MCFD2: variants seen among roughly 807,000 people sequenced by gnomAD.
MCFD2 encodes multiple coagulation factor deficiency protein 2.
Under a neutral mutation model 12.8 loss-of-function variants are expected in MCFD2, and 11 were observed. That is an observed-to-expected ratio of 0.86 (90% confidence interval 0.54 to 1.42). MCFD2 has a LOEUF of 1.42. Among genes scored for constraint, MCFD2 ranks in the 40% most tolerant of loss-of-function variants. The pLI, the probability that MCFD2 is intolerant of heterozygous loss-of-function variation, is 0.00. For missense variants in MCFD2, 191 were observed against 178.6 expected, an observed-to-expected ratio of 1.07 and a Z score of -0.40; for synonymous variants, 70 against 68.1, an observed-to-expected ratio of 1.03 and a Z score of -0.14.
Position 46,927,387 on chromosome 2 carries a change from C to T in MCFD2, c.-8+14185G>A, listed in dbSNP as rs1367412752. ...TTTTTTTTTTTTTGAGATGGAGTCT[C>T]GTTCTGTTGCCCAGGCTGGAGTGCA... is the stretch of plus-strand genomic sequence containing the variant. On this transcript the variant is annotated intron_variant, in intron 1 of 2. Coordinates refer to the MCFD2 transcript ENST00000409147. Among the ~76,000 whole-genome samples, 16 of 143,096 alleles carry T rather than the reference C, an allele frequency of 1.1e-4. No homozygotes were observed. In the South Asian group the frequency reaches 2.6e-3, roughly 24 times the overall value. 93.9% of individuals were successfully genotyped at this position (143,096 alleles called of 152,430 possible).
upstream of MCFD2, among the ~76,000 whole-genome samples, chr2:46,919,102 T>A (rs1180488524): frequency 6.6e-6 from 1 of 152,244 alleles, no homozygotes; most frequent in East Asian, 1.9e-4. Context: ...TTTACCTATG[T>A]AGGGGATTCC....
chr2:46,938,205 A>G (rs1240435604), intron 1 of MCFD2, among the ~76,000 whole-genome samples: 2 of 152,222 alleles, frequency 1.3e-5, no homozygotes, highest in African/African-American at 2.4e-5. Flanking sequence ...CAAGTCACCA[A>G]TGAAGGTGTT....
chr2:46,926,834 G>A (rs1669408571), intron 1 of MCFD2, among the ~76,000 whole-genome samples: 1 of 152,166 alleles, frequency 6.6e-6, no homozygotes. Flanking sequence ...CTCAGACAGA[G>A]GTTGTTAAAC....
In MCFD2 at chr2:46,941,447, T is replaced by G; in HGVS notation, c.-8+125A>C. 1.5e-6 allele frequency: 2 copies of G among 1,363,596 alleles called. No homozygotes were observed. Among genetic ancestry groups the G allele is most frequent in the Non-Finnish European group, 1.9e-6 (2 of 1,041,120 alleles). The allele number at this position is 1,363,596 out of a possible 1,614,324, so 84.5% of individuals were successfully genotyped here. Reference sequence around the variant, plus strand: ...GCCCCGGCTGCCGTCTGCGCCCCCGTCGACCCCGCCCGCGAGTGCGCCCCA... The same window carrying G: ...GCCCCGGCTGCCGTCTGCGCCCCCGGCGACCCCGCCCGCGAGTGCGCCCCA... On this transcript the variant is annotated intron_variant, in intron 1 of 2. Coordinates refer to the MCFD2 transcript ENST00000409147. The surrounding 1 kb of genome is among the most constrained non-coding windows in gnomAD (Gnocchi z 4.2).
upstream of MCFD2, among the ~76,000 whole-genome samples, chr2:46,917,605 T>C (rs1668880962): frequency 2.6e-5 from 4 of 152,208 alleles, no homozygotes; most frequent in South Asian, 8.3e-4. Context: ...GTGCTTTCAT[T>C]TTTTTCCTAT....
At chr2:46,927,323 A>C (rs1354582876) in intron 1 of MCFD2, among the ~76,000 whole-genome samples, 5 of 152,074 alleles carry the variant, frequency 3.3e-5, no homozygotes, top group Non-Finnish European at 7.3e-5. Flanking sequence ...AAACCAAAGA[A>C]AAATAATATT....
intron 1 of MCFD2, among the ~76,000 whole-genome samples, chr2:46,926,505 G>C (rs1189981136): frequency 6.6e-6 from 1 of 152,212 alleles, no homozygotes; most frequent in Non-Finnish European, 1.5e-5. Context: ...TGATAAAATA[G>C]AGGAGTGAAT....
Position 46,905,473 on chromosome 2 carries a change from G to T in MCFD2, c.431C>A (p.Ser144Ter). ...GYIDYAEFAK[S>*]LQ ...ATGGCCAAATAACATCTACTGCAGT[G>T]ATTTTGCAAATTCAGCATAGTCAAT... is the stretch of plus-strand genomic sequence containing the variant. The change falls in exon 4 of 4, where the codon TCA becomes TAA. Residue 144 changes from serine (S) to a stop codon, truncating the protein, a stop_gained. Coordinates refer to ENST00000319466, the MANE Select transcript of MCFD2 (RefSeq NM_139279.6). LOFTEE classifies it high-confidence loss of function. 6.2e-7 allele frequency: 1 copy of T among 1,612,538 alleles called. No homozygotes were observed. The highest frequency in any genetic ancestry group is 8.5e-7 in the Non-Finnish European group (1 of 1,179,920).
In MCFD2 at chr2:46,937,828, C is replaced by T. The variant is rs1346682138; in HGVS notation, c.-8+3744G>A. Among the ~76,000 whole-genome samples, 2 of 152,208 alleles carry T rather than the reference C, an allele frequency of 1.3e-5. No homozygotes were observed. The highest frequency in any genetic ancestry group is 2.9e-5 in the Non-Finnish European group (2 of 68,048). ...TTAGTCAAGGTCTTTTGGAGGCTAT[C>T]GGCAGTCTTCCCTGTGAAAGCAAAA... On this transcript the variant is annotated intron_variant, in intron 1 of 2. Transcript: ENST00000409147. This position sits in a 1 kb window ranked among gnomAD's most constrained non-coding sequence, Gnocchi z 4.0.
chr2:46,923,592 C>G (rs569203261), intron 1 of MCFD2, among the ~76,000 whole-genome samples: 3 of 152,168 alleles, frequency 2.0e-5, no homozygotes, highest in Non-Finnish European at 4.4e-5. Context: ...GTTGCAGTCT[C>G]CATTAAAACT....
rs1435147204 is a variant in MCFD2, at chr2:46,937,221, T to C, written c.-8+4351A>G. Among the ~76,000 whole-genome samples, 1 of 152,150 alleles carries C rather than the reference T, an allele frequency of 6.6e-6. No individual in the cohort carries two copies. Among genetic ancestry groups the C allele is most frequent in the Admixed American group, 6.5e-5 (1 of 15,270 alleles). ...AATAAAAAGCTGAACTACTTAAAAC[T>C]ATCTTTTAGACCTCCCCTGCCCCAA... On this transcript the variant is annotated intron_variant, in intron 1 of 2. Transcript: ENST00000409147. The surrounding 1 kb of genome is among the most constrained non-coding windows in gnomAD (Gnocchi z 4.0).
chr2:46,916,055 G>C, upstream of MCFD2: 1 of 985,468 alleles, frequency 1.0e-6, no homozygotes, highest in East Asian at 1.1e-4. Context: ...GCAGTTGCTA[G>C]GCAACGCCGG....
In MCFD2 at chr2:46,907,200, G is replaced by A. The variant is rs115174497; in HGVS notation, c.309+610C>T. On this transcript the variant is annotated intron_variant, in intron 3 of 3. Transcript: ENST00000319466. The surrounding 1 kb of genome is among the most constrained non-coding windows in gnomAD (Gnocchi z 4.1). ...CTCCCTTGCTCTGCAGTTTGAATAC[G>A]GTCTGTCTTTTAGGCACTGATTCTC... 6.3e-6 allele frequency: 1 copy of A among 159,494 alleles called. No individual in the cohort carries two copies. The highest frequency in any genetic ancestry group is 6.0e-5 in the Admixed American group (1 of 16,710). The allele number at this position is 159,494 out of a possible 1,614,324, so 9.9% of individuals were successfully genotyped here. A position where few individuals can be genotyped will look rare whatever the true frequency, so the allele number is the denominator to read the frequency against.
chr2:46,936,257 C>T lies in MCFD2; in HGVS notation c.-8+5315G>A, dbSNP rs147987245. Among the ~76,000 whole-genome samples, 10 of 152,248 alleles carry T rather than the reference C, an allele frequency of 6.6e-5. No individual in the cohort carries two copies. In the East Asian group the frequency reaches 1.9e-3, roughly 29 times the overall value. On this transcript the variant is annotated intron_variant, in intron 1 of 2. Transcript: ENST00000409147. ...TATTACTAACAACGCTACTACTTGT[C>T]TGTGTTCATCCTTGTCATTTTTTTG... is the stretch of plus-strand genomic sequence containing the variant.
intron 1 of MCFD2, among the ~76,000 whole-genome samples, chr2:46,920,957 T>C (rs1047208278): frequency 1.3e-5 from 2 of 150,324 alleles, no homozygotes; most frequent in African/African-American, 5.0e-5. Flanking sequence ...TGACAAAATT[T>C]AATCCCTATT....
intron 1 of MCFD2, among the ~76,000 whole-genome samples, chr2:46,923,024 A>T (rs1417883857): frequency 6.6e-6 from 1 of 152,238 alleles, no homozygotes; most frequent in Non-Finnish European, 1.5e-5. Context: ...AAACAGCCAG[A>T]TGAAGAGATA....
In MCFD2 at chr2:46,907,805, C is replaced by A. The variant is rs1668306351; in HGVS notation, c.309+5G>T. 6.2e-7 allele frequency: 1 copy of A among 1,613,984 alleles called. No homozygotes were observed. Among genetic ancestry groups the A allele is most frequent in the South Asian group, 1.1e-5 (1 of 91,086 alleles). ...TACAGTCCCCCAAGCCACTGCCAGA[C>A]CTACCTCCTTATGGACATGAGTGAT... On this transcript the variant is annotated splice_donor_5th_base_variant and intron_variant, in intron 3 of 3. Coordinates refer to ENST00000319466, the MANE Select transcript of MCFD2 (RefSeq NM_139279.6). The surrounding 1 kb of genome is among the most constrained non-coding windows in gnomAD (Gnocchi z 4.1).
In MCFD2 at chr2:46,909,178, C is replaced by G. The variant is rs747396545; in HGVS notation, c.-6-1G>C. 6.2e-7 allele frequency: 1 copy of G among 1,613,008 alleles called. No individual in the cohort carries two copies. The highest frequency in any genetic ancestry group is 1.7e-5 in the Admixed American group (1 of 59,782). On this transcript the variant is annotated splice_acceptor_variant, in intron 1 of 3. Transcript: ENST00000319466. LOFTEE classifies it low-confidence loss of function (5UTR_SPLICE). ...GCAGGGATCTCATGGTCATCAATATCTGTGAGATGGGAAACACAGAAGAGG... is the reference window on the plus strand; with the variant it reads ...GCAGGGATCTCATGGTCATCAATATGTGTGAGATGGGAAACACAGAAGAGG...
chr2:46,917,268 G>C (rs1386870690), upstream of MCFD2: 2 of 688,272 alleles, frequency 2.9e-6, no homozygotes, highest in Non-Finnish European at 5.3e-6. Context: ...AAAGTGCTGG[G>C]ATTACAGGGG....
Sources: allele counts gnomAD v4.1 joint callset (sites outside exome capture counted in the v4.1 genomes callset), GRCh38; gene constraint gnomAD v4.1.1; non-coding constraint Gnocchi (gnomAD v3.1); transcripts MANE v1.5; gene names NCBI Gene and HGNC (gene_info 2026-07-23, HGNC 2026-07-21).